Variants in PACRG observed in about 807,000 individuals in gnomAD.
PACRG encodes the protein parkin coregulated.
PACRG carries 29 observed loss-of-function variants against 29.7 expected under a neutral mutation model. The ratio of observed to expected loss-of-function variants is 0.98; its 90% CI spans 0.73 to 1.33. PACRG has a LOEUF of 1.33. PACRG is among the 40% of genes most tolerant of loss of function. The pLI is 0.00. For missense variants in PACRG, 279 were observed against 316.2 expected, an observed-to-expected ratio of 0.88 and a Z score of 0.89; for synonymous variants, 116 against 118.7, an observed-to-expected ratio of 0.98 and a Z score of 0.15.
At chr6:163,162,217 A>T (rs1257264408) in intron 4 of PACRG, among the ~76,000 whole-genome samples, 1 of 152,170 alleles carries the variant, frequency 6.6e-6, no homozygotes, top group Non-Finnish European at 1.5e-5. Context: ...GACCTACAAA[A>T]AGGACGGTCC....
At chr6:162,843,357 A>G (rs1562653483) in intron 2 of PACRG, among the ~76,000 whole-genome samples, 1 of 149,912 alleles carries the variant, frequency 6.7e-6, no homozygotes, top group Admixed American at 6.7e-5. Context: ...TTCATCTTCC[A>G]TTGCTGATAC....
chr6:162,788,846 A>G (rs1238119568), intron 1 of PACRG, among the ~76,000 whole-genome samples: 1 of 152,158 alleles, frequency 6.6e-6, no homozygotes, highest in Non-Finnish European at 1.5e-5. Context: ...TTTCAAAATA[A>G]GGTTGTTCAT....
intron 4 of PACRG, among the ~76,000 whole-genome samples, chr6:163,292,423 A>G (rs1452764427): frequency 6.6e-6 from 1 of 152,108 alleles, no homozygotes. Flanking sequence ...TATTTTTGAG[A>G]TGGAGTCTTG....
At chr6:162,749,912 A>C (rs1197672160) in intron 1 of PACRG, among the ~76,000 whole-genome samples, 1 of 152,210 alleles carries the variant, frequency 6.6e-6, no homozygotes, top group East Asian at 1.9e-4. Flanking sequence ...ATTGATTTAT[A>C]TATGCTATTA....
intron 2 of PACRG, among the ~76,000 whole-genome samples, chr6:162,929,513 T>C (rs533152545): frequency 1.3e-5 from 2 of 152,202 alleles, no homozygotes; most frequent in African/African-American, 4.8e-5. Context: ...GAATATTTTC[T>C]CCCATTCTGT....
At chr6:163,108,321 C>T (rs1439348175) in intron 4 of PACRG, among the ~76,000 whole-genome samples, 1 of 151,814 alleles carries the variant, frequency 6.6e-6, no homozygotes, top group Non-Finnish European at 1.5e-5. Flanking sequence ...TGTAAGTTTC[C>T]TGAGGCCTCC....
chr6:163,162,367 G>A (rs540734300), intron 4 of PACRG, among the ~76,000 whole-genome samples: 43 of 152,308 alleles, frequency 2.8e-4, no homozygotes, highest in African/African-American at 1.0e-3. Flanking sequence ...CACGCGGGAC[G>A]TTTTAAAAGT....
At position 163,269,926 on chromosome 6, in the gene PACRG, G is replaced by A. The variant is rs866208334; in HGVS notation, c.614-44901G>A. Among the ~76,000 whole-genome samples the A allele has an allele frequency of 5.0e-4, 17 of 33,934 alleles. 4 individuals carry two copies. Among genetic ancestry groups the A allele is most frequent in the African/African-American group, 1.6e-3 (11 of 6,750 alleles). The allele number at this position is 33,934 out of a possible 152,430, so 22.3% of individuals were successfully genotyped here. Reference sequence around the variant, plus strand: ...AGAAAGAAAGAAAGAAAGAAAGAAAGAAAACAAAGAAAGAAAGAAAGAAAG... The same window carrying A: ...AGAAAGAAAGAAAGAAAGAAAGAAAAAAAACAAAGAAAGAAAGAAAGAAAG... On this transcript the variant is annotated intron_variant, in intron 4 of 4. Transcript: ENST00000366888.
chr6:163,212,872 A>G (rs1274615174), intron 4 of PACRG, among the ~76,000 whole-genome samples: 1 of 151,110 alleles, frequency 6.6e-6, no homozygotes, highest in South Asian at 2.1e-4. Context: ...TATGCCTCCC[A>G]GGTTCATGCC....
At chr6:163,102,050 C>G (rs1279419233) in intron 4 of PACRG, among the ~76,000 whole-genome samples, 2 of 152,146 alleles carry the variant, frequency 1.3e-5, no homozygotes, top group Non-Finnish European at 2.9e-5. Flanking sequence ...TCAAAGACTT[C>G]CCCAGAGCCT....
intron 1 of PACRG, among the ~76,000 whole-genome samples, chr6:162,797,861 C>T (rs753347201): frequency 5.9e-5 from 9 of 151,838 alleles, no homozygotes; most frequent in Non-Finnish European, 7.4e-5. Context: ...ACTTGCTTTC[C>T]GAATTCTGGT....
intron 1 of PACRG, among the ~76,000 whole-genome samples, chr6:162,759,526 A>G (rs1351939720): frequency 6.6e-6 from 1 of 152,196 alleles, no homozygotes; most frequent in African/African-American, 2.4e-5. Flanking sequence ...ATTTAAATGA[A>G]TTTTACAATA....
chr6:163,121,465 C>T (rs1816265033), intron 4 of PACRG, among the ~76,000 whole-genome samples: 2 of 152,088 alleles, frequency 1.3e-5, no homozygotes, highest in Non-Finnish European at 2.9e-5. Context: ...CTCTCTTTGG[C>T]TCATCTTGTA....
chr6:162,943,348 C>T (rs886369520), intron 2 of PACRG, among the ~76,000 whole-genome samples: 1 of 152,184 alleles, frequency 6.6e-6, no homozygotes, highest in Non-Finnish European at 1.5e-5. Flanking sequence ...AGGGCCAAAG[C>T]ACCAGCCCTT....
chr6:163,289,437 A>C (rs1252125802), intron 4 of PACRG, among the ~76,000 whole-genome samples: 3 of 152,144 alleles, frequency 2.0e-5, no homozygotes, highest in Non-Finnish European at 4.4e-5. Context: ...TTCTTTTGTA[A>C]ATAACTTCAT....
intron 2 of PACRG, among the ~76,000 whole-genome samples, chr6:162,850,948 C>A (rs1790806489): frequency 6.6e-6 from 1 of 152,216 alleles, no homozygotes; most frequent in Non-Finnish European, 1.5e-5. Flanking sequence ...GATGCCATCT[C>A]CAGGTGAACA....
At chr6:163,281,543 ATT>A (rs5881519) in intron 4 of PACRG, among the ~76,000 whole-genome samples, 1 of 148,524 alleles carries the variant, frequency 6.7e-6, no homozygotes, top group African/African-American at 2.5e-5. Flanking sequence ...ATCAAGATGA[ATT>A]TTTTTTTTTG....
intron 4 of PACRG, among the ~76,000 whole-genome samples, chr6:163,185,256 G>T (rs966011626): frequency 1.3e-5 from 2 of 152,004 alleles, no homozygotes; most frequent in African/African-American, 4.8e-5. Context: ...AAGCAAGTGG[G>T]AACAATTGGC....
At chr6:162,938,542 T>A (rs1379221635) in intron 2 of PACRG, among the ~76,000 whole-genome samples, 1 of 152,120 alleles carries the variant, frequency 6.6e-6, no homozygotes, top group African/African-American at 2.4e-5. Context: ...GATCAAATGG[T>A]AGTTCTACTT....
Sources: allele counts gnomAD v4.1 joint callset (sites outside exome capture counted in the v4.1 genomes callset), GRCh38; gene constraint gnomAD v4.1.1; transcripts MANE v1.5; gene names NCBI Gene and HGNC (gene_info 2026-07-23, HGNC 2026-07-21).